Variants in CDH6 observed in about 807,000 individuals in gnomAD.
The protein encoded by CDH6 is cadherin 6.
Under a neutral mutation model 78.0 loss-of-function variants are expected in CDH6, and 31 were observed. The ratio of observed to expected loss-of-function variants is 0.40; its 90% confidence interval spans 0.30 to 0.54. The LOEUF (loss-of-function observed/expected upper bound fraction) is 0.54, where lower values mean the gene tolerates loss of function less well. Ranked by LOEUF, CDH6 falls within the 20% of genes least tolerant of loss-of-function variation. The pLI, the probability that CDH6 is intolerant of heterozygous loss-of-function variation, is 0.56. For synonymous variants in CDH6, 376 were observed against 368.8 expected, an observed-to-expected ratio of 1.02 and a Z score of -0.23; for missense variants, 724 against 975.9, an observed-to-expected ratio of 0.74 and a Z score of 3.44.
chr5:31,223,763 TGG>T (rs1741064808), intron 1 of CDH6, among the ~76,000 whole-genome samples: 1 of 152,196 alleles, frequency 6.6e-6, no homozygotes, highest in Non-Finnish European at 1.5e-5. Flanking sequence ...GAAAGAAGAA[TGG>T]ATATTTTGAT....
intron 1 of CDH6, among the ~76,000 whole-genome samples, chr5:31,206,111 A>G (rs954682967): frequency 3.9e-5 from 6 of 152,036 alleles, no homozygotes; most frequent in African/African-American, 1.4e-4. Flanking sequence ...ATATACATGT[A>G]CTGAGATCAT....
At chr5:31,302,939 G>GAAAGAAAGA (rs1737854910) in intron 6 of CDH6, among the ~76,000 whole-genome samples, 1 of 129,716 alleles carries the variant, frequency 7.7e-6, no homozygotes, top group Non-Finnish European at 1.7e-5. Flanking sequence ...AAGAAAGAAA[G>GAAAGAAAGA]AAAGAAAGAA....
At chr5:31,293,831 A>T in intron 2 of CDH6, 131 bp from the exon 3 acceptor site, 12 of 219,650 alleles carry the variant, frequency 5.5e-5, no homozygotes, top group South Asian at 9.6e-5. Flanking sequence ...CGTAAATAGT[A>T]AAAAAAAAAA....
chr5:31,235,514 A>G (rs1454021835), intron 1 of CDH6, among the ~76,000 whole-genome samples: 1 of 152,196 alleles, frequency 6.6e-6, no homozygotes, highest in Non-Finnish European at 1.5e-5. Flanking sequence ...TGCTCTAATG[A>G]CAGTGAAAAC....
rs1220232997 is a variant in CDH6, at chr5:31,328,227, C to T, written c.*4919C>T. ...ACCCATGAACCACAAACTCAAATTT[C>T]TCCTCAAATGGGGTTAATCTGACAA... On this transcript the variant is annotated 3_prime_UTR_variant, in exon 12 of 12. Transcript: ENST00000265071. 3.5e-5 allele frequency: 5 copies of T among 144,824 alleles called. No individual in the cohort carries two copies. The highest frequency in any genetic ancestry group is 1.6e-4 in the African/African-American group (5 of 30,376). 9.0% of individuals were successfully genotyped at this position (144,824 alleles called of 1,614,324 possible). A position where few individuals can be genotyped will look rare whatever the true frequency, so the allele number is the denominator to read the frequency against.
rs1740851833 is a variant in CDH6, at chr5:31,216,006, T to A, written c.-129+22120T>A. ...CCCTTTGGTTTTTTTTCAAAATCTA[T>A]GCCCTCCTACAGCAAAAGTATAAAG... On this transcript the variant is annotated intron_variant, in intron 1 of 11. Transcript: ENST00000265071. 2.6e-5 allele frequency among the ~76,000 whole-genome samples: 4 copies of A among 152,204 alleles called. No individual in the cohort carries two copies. The South Asian group carries it at 8.3e-4, about 31-fold the overall frequency.
chr5:31,292,804 C>CATATATATATATGTGTGCATATATATAT (rs1182921077), intron 2 of CDH6, among the ~76,000 whole-genome samples: 21 of 125,326 alleles, frequency 1.7e-4, no homozygotes, highest in African/African-American at 6.3e-4. Context: ...TATGTGTGTG[C>CATATATATATATGTGTGCATATATATAT]ATATATATAT....
rs1485165902 is a variant in CDH6 at position 31,221,119 on chromosome 5, T to C, written c.-129+27233T>C. Reference sequence around the variant, plus strand: ...TCGATTTAATAAATGTCCCAAATGTTCATTATGCAAGCACAGCCTGGCTGC... The same window carrying C: ...TCGATTTAATAAATGTCCCAAATGTCCATTATGCAAGCACAGCCTGGCTGC... On this transcript the variant is annotated intron_variant, in intron 1 of 11. Coordinates refer to ENST00000265071, the MANE Select transcript of CDH6 (RefSeq NM_004932.4). Among the ~76,000 whole-genome samples the C allele has an allele frequency of 2.6e-5, 4 of 152,164 alleles. No homozygotes were observed. In the East Asian group the frequency reaches 7.7e-4, roughly 29 times the overall value.
intron 7 of CDH6, among the ~76,000 whole-genome samples, chr5:31,307,916 T>C (rs559442367): frequency 1.1e-4 from 16 of 152,344 alleles, no homozygotes; most frequent in African/African-American, 3.6e-4. Flanking sequence ...TTATGTTGGC[T>C]GTCAGCTAAT....
intron 5 of CDH6, among the ~76,000 whole-genome samples, chr5:31,299,932 A>G (rs938234077): frequency 2.0e-5 from 3 of 152,266 alleles, no homozygotes; most frequent in Non-Finnish European, 4.4e-5. Flanking sequence ...GAACATATGT[A>G]TACAAGCATG....
intron 6 of CDH6, among the ~76,000 whole-genome samples, chr5:31,304,171 A>C (rs1164963936): frequency 6.7e-6 from 1 of 149,366 alleles, no homozygotes; most frequent in East Asian, 2.0e-4. Flanking sequence ...CTCATGCAAA[A>C]AACAACAACA....
At chr5:31,246,557 G>A (rs1401441236) in intron 1 of CDH6, among the ~76,000 whole-genome samples, 1 of 152,146 alleles carries the variant, frequency 6.6e-6, no homozygotes, top group Non-Finnish European at 1.5e-5. Context: ...CCACACTCAA[G>A]CCCAGGATTG....
At position 31,205,642 on chromosome 5, in the gene CDH6, AT is replaced by A. The variant is rs1195687804; in HGVS notation, c.-129+11764del. 4.6e-5 allele frequency among the ~76,000 whole-genome samples: 7 copies of A among 151,282 alleles called. No individual in the cohort carries two copies. The East Asian group carries it at 1.2e-3, about 25-fold the overall frequency. ...TAAACTAAACAATGTCCTTGCCAAG[AT>A]TTTTTTTCTCTTACAGTTTTAGTAG... On this transcript the variant is annotated intron_variant, in intron 1 of 11. Coordinates refer to ENST00000265071, the MANE Select transcript of CDH6 (RefSeq NM_004932.4).
chr5:31,305,106 C>CGTGTCTTGGCTTTCT (rs953303366), intron 6 of CDH6, 68 bp from the exon 7 acceptor site: 2 of 1,495,992 alleles, frequency 1.3e-6, no homozygotes, highest in Admixed American at 2.1e-5. Flanking sequence ...AAAAATGTTT[C>CGTGTCTTGGCTTTCT]GTGTCTTGGC....
intron 1 of CDH6, among the ~76,000 whole-genome samples, chr5:31,223,687 C>T (rs750423930): frequency 6.6e-6 from 1 of 152,004 alleles, no homozygotes; most frequent in Non-Finnish European, 1.5e-5. Flanking sequence ...TTGTGGGCAT[C>T]AGTGGATGAA....
At position 31,297,407 on chromosome 5, in the gene CDH6, A is replaced by T; in HGVS notation, c.642A>T (p.Thr214=). ...CCTATTTTTCAGTTGAATCAGAAACAGGTTAGACTTTTTGATCTTCCTTTT... is the reference window on the plus strand; with the variant it reads ...CCTATTTTTCAGTTGAATCAGAAACTGGTTAGACTTTTTGATCTTCCTTTT... ...GQPYFSVESE[T]GIIKTALLNM... is the part of the protein sequence containing the mutation. Residue 214 remains threonine, a splice_region_variant and synonymous_variant, in exon 4 of 12, where the codon ACA becomes ACT. Transcript: ENST00000265071. The T allele has an allele frequency of 6.3e-7, 1 of 1,596,652 alleles. No homozygotes were observed. The highest frequency in any genetic ancestry group is 2.2e-5 in the East Asian group (1 of 44,730).
intron 2 of CDH6, among the ~76,000 whole-genome samples, chr5:31,291,930 T>C (rs1387559967): frequency 6.6e-6 from 1 of 152,232 alleles, no homozygotes; most frequent in Admixed American, 6.5e-5. Flanking sequence ...CTTTCAAGAC[T>C]ACTAATTATA....
intron 1 of CDH6, among the ~76,000 whole-genome samples, chr5:31,203,245 T>TTA (rs397957034): frequency 2.1e-5 from 3 of 141,354 alleles, no homozygotes; most frequent in Non-Finnish European, 3.1e-5. Context: ...TTTTTTTTTT[T>TTA]ATTTATTTTT....
Position 31,324,275 on chromosome 5 carries a change from A to C in CDH6, c.*967A>C, listed in dbSNP as rs1365898747. 4.7e-6 allele frequency: 1 copy of C among 211,552 alleles called. No individual in the cohort carries two copies. The highest frequency in any genetic ancestry group is 9.6e-6 in the Non-Finnish European group (1 of 104,502). The allele number at this position is 211,552 out of a possible 1,614,324, so 13.1% of individuals were successfully genotyped here. A position where few individuals can be genotyped will look rare whatever the true frequency, so the allele number is the denominator to read the frequency against. On this transcript the variant is annotated 3_prime_UTR_variant, in exon 12 of 12. Transcript: ENST00000265071. ...GAAAGTAGCAGTGTGAAGTACAATA[A>C]TTCATATTCTTCATATCCTTCTTAC...
Sources: allele counts gnomAD v4.1 joint callset (sites outside exome capture counted in the v4.1 genomes callset), GRCh38; gene constraint gnomAD v4.1.1; transcripts MANE v1.5; gene names NCBI Gene and HGNC (gene_info 2026-07-23, HGNC 2026-07-21).